C3orf70: variants seen among roughly 807,000 people sequenced by gnomAD.
The protein encoded by C3orf70 is chromosome 3 open reading frame 70.
In C3orf70, 15 loss-of-function variants were observed where a neutral mutation model predicts 20.7. That is an observed-to-expected ratio of 0.72 (90% CI 0.48 to 1.11). The LOEUF (loss-of-function observed/expected upper bound fraction) is 1.11. Among genes scored for constraint, C3orf70 ranks in the 50% most tolerant of loss-of-function variants. The pLI is 0.00. For missense variants in C3orf70, 332 were observed against 317.6 expected, an observed-to-expected ratio of 1.05 and a Z score of -0.34; for synonymous variants, 161 against 125.7, an observed-to-expected ratio of 1.28 and a Z score of -1.88.
At chr3:185,142,948 AG>A (rs779775610) in intron 1 of C3orf70, among the ~76,000 whole-genome samples, 1 of 152,222 alleles carries the variant, frequency 6.6e-6, no homozygotes, top group Non-Finnish European at 1.5e-5. Flanking sequence ...TCAAAAAAAA[AG>A]TGTGATTGCT....
chr3:185,117,305 T>C (rs925654278), intron 1 of C3orf70, among the ~76,000 whole-genome samples: 13 of 152,008 alleles, frequency 8.6e-5, no homozygotes, highest in African/African-American at 3.1e-4. Context: ...TTAAAATATG[T>C]AAAATATATT....
chr3:185,085,368 A>C (rs1458682202), intron 1 of C3orf70, among the ~76,000 whole-genome samples: 1 of 152,156 alleles, frequency 6.6e-6, no homozygotes, highest in African/African-American at 2.4e-5. Context: ...AAGATCAATC[A>C]AGCCTGCTTA....
chr3:185,144,055 GAAT>G (rs1472503682), intron 1 of C3orf70, among the ~76,000 whole-genome samples: 3 of 151,518 alleles, frequency 2.0e-5, no homozygotes, highest in Non-Finnish European at 4.4e-5. Context: ...TCCACAATGA[GAAT>G]AATAAAAAAA....
At chr3:185,149,722 C>T (rs1051464653) in intron 1 of C3orf70, among the ~76,000 whole-genome samples, 1 of 152,168 alleles carries the variant, frequency 6.6e-6, no homozygotes, top group Non-Finnish European at 1.5e-5. Flanking sequence ...TAACAGAGCA[C>T]CTAGCTGCTT....
chr3:185,137,980 A>G (rs760969423), intron 1 of C3orf70, among the ~76,000 whole-genome samples: 4 of 152,232 alleles, frequency 2.6e-5, no homozygotes, highest in African/African-American at 4.8e-5. Flanking sequence ...TAAAAGGTCA[A>G]TGAAGCTAAC....
At chr3:185,083,671 C>A in intron 1 of C3orf70, 108 bp from the exon 2 acceptor site, 1 of 876,974 alleles carries the variant, frequency 1.1e-6, no homozygotes, top group Non-Finnish European at 1.7e-6. Flanking sequence ...TCAGTAACAC[C>A]TCAAAAGAAA....
At chr3:185,133,570 C>A (rs926541740) in intron 1 of C3orf70, among the ~76,000 whole-genome samples, 2 of 151,936 alleles carry the variant, frequency 1.3e-5, no homozygotes, top group African/African-American at 4.8e-5. Flanking sequence ...CAGCAAAACC[C>A]TGTCTCTACC....
intron 1 of C3orf70, among the ~76,000 whole-genome samples, chr3:185,121,459 A>T (rs1353241051): frequency 1.3e-5 from 2 of 152,168 alleles, no homozygotes; most frequent in African/African-American, 4.8e-5. Flanking sequence ...GGTAATGTTT[A>T]AGAAGAGACA....
At chr3:185,117,454 A>G (rs62289779) in intron 1 of C3orf70, among the ~76,000 whole-genome samples, 2,430 of 141,952 alleles carry the variant, frequency 0.017, 54 homozygotes, top group African/African-American at 0.059. Flanking sequence ...CACACACAGA[A>G]AGAGAGAGAG....
chr3:185,146,830 A>C (rs188815268), intron 1 of C3orf70, among the ~76,000 whole-genome samples: 21 of 152,342 alleles, frequency 1.4e-4, no homozygotes, highest in South Asian at 1.2e-3. Flanking sequence ...GAATAGAACA[A>C]CACAAAATCA....
chr3:185,130,882 C>A (rs1424118458), intron 1 of C3orf70, among the ~76,000 whole-genome samples: 3 of 152,106 alleles, frequency 2.0e-5, no homozygotes, highest in Admixed American at 6.5e-5. Flanking sequence ...CTTTTGGGTT[C>A]TTTCTACTTT....
At position 185,077,797 on chromosome 3, in the gene C3orf70, G is replaced by GA. The variant is rs1553918669; in HGVS notation, c.*5209_*5210insT. 4.0e-5 allele frequency among the ~76,000 whole-genome samples: 6 copies of GA among 150,304 alleles called. No homozygotes were observed. The highest frequency in any genetic ancestry group is 2.2e-4 in the South Asian group (1 of 4,636). On this transcript the variant is annotated 3_prime_UTR_variant, in exon 2 of 2. Transcript: ENST00000335012. The stretch of plus-strand genomic sequence containing the variant: ...ATGCTATTTGGTGGTGGTGGGGGGG[G>GA]GGTATCAAGTTTTATTTGCTATAAA...
intron 1 of C3orf70, among the ~76,000 whole-genome samples, chr3:185,096,152 C>A (rs1715697046): frequency 6.6e-6 from 1 of 151,188 alleles, no homozygotes; most frequent in South Asian, 2.1e-4. Context: ...CTGTTTTTTT[C>A]TTTAATAATT....
chr3:185,087,912 C>CTT (rs1561327376), intron 1 of C3orf70, among the ~76,000 whole-genome samples: 1 of 114,528 alleles, frequency 8.7e-6, no homozygotes, highest in Non-Finnish European at 1.8e-5. Flanking sequence ...TAGTTTTATA[C>CTT]ATTTTTTTTT....
At chr3:185,117,474 G>C (rs532765002) in intron 1 of C3orf70, among the ~76,000 whole-genome samples, 1 of 151,350 alleles carries the variant, frequency 6.6e-6, no homozygotes, top group Non-Finnish European at 1.5e-5. Context: ...GAGAGAGAGA[G>C]AGAGAAAAGC....
At chr3:185,105,411 G>A (rs1052663462) in intron 1 of C3orf70, among the ~76,000 whole-genome samples, 4 of 152,256 alleles carry the variant, frequency 2.6e-5, no homozygotes, top group Non-Finnish European at 5.9e-5. Context: ...ACAATAGCAT[G>A]AGCGATCTGT....
At chr3:185,150,046 T>C (rs1166183937) in intron 1 of C3orf70, among the ~76,000 whole-genome samples, 4 of 152,166 alleles carry the variant, frequency 2.6e-5, no homozygotes, top group Non-Finnish European at 5.9e-5. Flanking sequence ...TATGTACAGA[T>C]AGGTCACAGA....
At chr3:185,094,980 AG>A (rs1455626434) in intron 1 of C3orf70, among the ~76,000 whole-genome samples, 1 of 152,200 alleles carries the variant, frequency 6.6e-6, no homozygotes, top group Non-Finnish European at 1.5e-5. Flanking sequence ...AAAACAGTGC[AG>A]AGAAGTGTGA....
chr3:185,107,060 A>C (rs1020063215), intron 1 of C3orf70, among the ~76,000 whole-genome samples: 7 of 152,314 alleles, frequency 4.6e-5, no homozygotes, highest in African/African-American at 1.7e-4. Context: ...GGGTAAATCA[A>C]ATTACTAATA....
Sources: gnomAD v4.1 joint callset for allele counts (sites outside exome capture counted in the v4.1 genomes callset) on GRCh38, gnomAD v4.1.1 for gene constraint, MANE v1.5 for transcripts, NCBI Gene and HGNC (gene_info 2026-07-23, HGNC 2026-07-21) for gene names.